LSAMP: variants seen among roughly 807,000 people sequenced by gnomAD.
LSAMP encodes the protein limbic system-associated membrane protein.
Under a neutral mutation model 38.6 loss-of-function variants are expected in LSAMP, and 7 were observed. The ratio of observed to expected loss-of-function variants is 0.18; its 90% CI spans 0.10 to 0.34. The LOEUF (loss-of-function observed/expected upper bound fraction) is 0.34, where lower values mean the gene tolerates loss of function less well. Among genes scored for constraint, LSAMP ranks in the 10% least tolerant of loss-of-function variants. The pLI is 1.00. For synonymous variants in LSAMP, 154 were observed against 166.8 expected (o/e 0.92, Z 0.59); for missense variants, 313 against 420.0 (o/e 0.75, Z 2.23).
intron 3 of LSAMP, among the ~76,000 whole-genome samples, chr3:115,976,221 AACTTAT>A (rs1161356498): frequency 1.3e-5 from 2 of 152,186 alleles, no homozygotes; most frequent in Admixed American, 1.3e-4. Flanking sequence ...ACTAAGTGCA[AACTTAT>A]ACTTTCACTA....
chr3:116,071,942 T>C (rs1707615210), intron 2 of LSAMP, among the ~76,000 whole-genome samples: 1 of 151,622 alleles, frequency 6.6e-6, no homozygotes, highest in Admixed American at 6.6e-5. Flanking sequence ...TTCCTTTTTG[T>C]GGCTGCATAG....
In LSAMP at chr3:116,420,390, G is replaced by A. The variant is rs778757777; in HGVS notation, c.155+24487C>T. Among the ~76,000 whole-genome samples the A allele has an allele frequency of 4.0e-5, 6 of 151,636 alleles. 1 individual carries two copies. The highest frequency in any genetic ancestry group is 4.2e-4 in the South Asian group (2 of 4,810). ...TGGGATTACAGGCCTGAGCCATTGC[G>A]CCCAGCCCAAACCCATTTTTTCAGA... On this transcript the variant is annotated intron_variant, in intron 1 of 6. Coordinates refer to ENST00000490035, the MANE Select transcript of LSAMP (RefSeq NM_002338.5).
intron 3 of LSAMP, among the ~76,000 whole-genome samples, chr3:115,973,130 TA>T (rs1297501504): frequency 6.6e-6 from 1 of 152,094 alleles, no homozygotes; most frequent in Non-Finnish European, 1.5e-5. Flanking sequence ...TGTTAAATGT[TA>T]TTTTAAGGAG....
At chr3:116,268,205 TA>T (rs11429966) in intron 1 of LSAMP, among the ~76,000 whole-genome samples, 4,747 of 149,508 alleles carry the variant, frequency 0.032, 246 homozygotes, top group African/African-American at 0.11. Context: ...GAGTGGCCAT[TA>T]AAAAAAAAAT....
At chr3:116,084,291 A>G (rs955346828) in intron 2 of LSAMP, among the ~76,000 whole-genome samples, 5 of 152,094 alleles carry the variant, frequency 3.3e-5, no homozygotes, top group East Asian at 1.9e-4. Flanking sequence ...AGTATCTAAC[A>G]TAATTTTAGT....
intron 1 of LSAMP, among the ~76,000 whole-genome samples, chr3:116,391,301 C>A (rs1361774177): frequency 1.3e-5 from 2 of 152,136 alleles, no homozygotes; most frequent in Admixed American, 1.3e-4. Context: ...CCCCGCCCCC[C>A]CCGTGCCCCA....
chr3:116,429,167 T>C (rs987300200), intron 1 of LSAMP, among the ~76,000 whole-genome samples: 1 of 152,244 alleles, frequency 6.6e-6, no homozygotes, highest in Non-Finnish European at 1.5e-5. Flanking sequence ...GGTAATTAGC[T>C]AAGTACATGT....
At chr3:116,373,473 A>G (rs1054370288) in intron 1 of LSAMP, among the ~76,000 whole-genome samples, 1 of 151,858 alleles carries the variant, frequency 6.6e-6, no homozygotes, top group Admixed American at 6.6e-5. Flanking sequence ...GCTTAGTTTT[A>G]GAAGATGAAA....
chr3:116,379,039 C>T (rs796878237), intron 1 of LSAMP, among the ~76,000 whole-genome samples: 37 of 144,994 alleles, frequency 2.6e-4, no homozygotes, highest in African/African-American at 9.5e-4. Context: ...ACACACGAGT[C>T]CTACCATGAC....
At chr3:115,908,878 A>G (rs1937074091) in intron 3 of LSAMP, among the ~76,000 whole-genome samples, 1 of 151,928 alleles carries the variant, frequency 6.6e-6, no homozygotes, top group South Asian at 2.1e-4. Context: ...TCTGTCCGGC[A>G]CTTCTGTCTT....
intron 1 of LSAMP, among the ~76,000 whole-genome samples, chr3:116,406,054 A>T (rs2048893341): frequency 6.6e-6 from 1 of 152,174 alleles, no homozygotes; most frequent in Non-Finnish European, 1.5e-5. Context: ...CATAGCAGTT[A>T]CATTTCTATC....
chr3:116,006,985 A>G (rs2107669037), intron 3 of LSAMP, among the ~76,000 whole-genome samples: 1 of 152,354 alleles, frequency 6.6e-6, no homozygotes, highest in Admixed American at 6.5e-5. Flanking sequence ...TCAGGCCAAA[A>G]AAATTAAAGA....
chr3:116,340,921 A>T (rs77389984), intron 1 of LSAMP, among the ~76,000 whole-genome samples: 1 of 152,106 alleles, frequency 6.6e-6, no homozygotes, highest in Non-Finnish European at 1.5e-5. Flanking sequence ...CTCTTTCAAC[A>T]TAGGAGAAGA....
intron 1 of LSAMP, among the ~76,000 whole-genome samples, chr3:116,313,020 T>C (rs6809781): frequency 0.98 from 149,291 of 152,272 alleles, 73,268 homozygotes; most frequent in East Asian, 1. Flanking sequence ...TGCACAAATA[T>C]AGATCCTAAG....
At chr3:116,405,749 A>T (rs2048890246) in intron 1 of LSAMP, among the ~76,000 whole-genome samples, 1 of 152,076 alleles carries the variant, frequency 6.6e-6, no homozygotes, top group Non-Finnish European at 1.5e-5. Flanking sequence ...TATTTTTTGC[A>T]GATGCTGATA....
At chr3:115,997,752 A>ATG (rs1379038864) in intron 3 of LSAMP, among the ~76,000 whole-genome samples, 2 of 136,068 alleles carry the variant, frequency 1.5e-5, no homozygotes, top group Non-Finnish European at 3.1e-5. Flanking sequence ...ATATATATAT[A>ATG]TACACACACA....
intron 3 of LSAMP, among the ~76,000 whole-genome samples, chr3:115,981,162 G>A (rs1169684719): frequency 6.6e-6 from 1 of 151,992 alleles, no homozygotes; most frequent in African/African-American, 2.4e-5. Context: ...CACTTAAAAA[G>A]AAAAAAGAAA....
chr3:115,928,451 G>A (rs995438394), intron 3 of LSAMP, among the ~76,000 whole-genome samples: 1 of 152,184 alleles, frequency 6.6e-6, no homozygotes, highest in Admixed American at 6.5e-5. Context: ...AAGACTGTGG[G>A]TTATAAAAAA....
chr3:116,444,998 A>T lies in LSAMP; in HGVS notation c.34T>A (p.Leu12Met), dbSNP rs1327261369. Residue 12 changes from leucine (L) to methionine (M), a missense_variant, in exon 1 of 7, where the codon TTG becomes ATG. Transcript: ENST00000490035. ...VRRVQPDRKQ[L>M]PLVLLRLLCL... Reference sequence around the variant, plus strand: ...AGCAATCTCAGTAGGACCAGTGGCAACTGTTTCCGATCCGGCTGAACTCTC... The same window carrying T: ...AGCAATCTCAGTAGGACCAGTGGCATCTGTTTCCGATCCGGCTGAACTCTC... The T allele has an allele frequency of 5.0e-6, 8 of 1,613,882 alleles. No individual in the cohort carries two copies. Among genetic ancestry groups the T allele is most frequent in the Non-Finnish European group, 5.1e-6 (6 of 1,179,940 alleles).
Sources: gnomAD v4.1 joint callset for allele counts (sites outside exome capture counted in the v4.1 genomes callset) on GRCh38, gnomAD v4.1.1 for gene constraint, MANE v1.5 for transcripts, NCBI Gene and HGNC (gene_info 2026-07-23, HGNC 2026-07-21) for gene names.